ZZZ3: variants seen among roughly 807,000 people sequenced by gnomAD.
The protein encoded by ZZZ3 is zinc finger ZZ-type containing 3.
A neutral mutation model predicts 95.2 loss-of-function variants in ZZZ3; 22 were observed. That is an observed-to-expected ratio of 0.23 (90% CI 0.17 to 0.33). The LOEUF (loss-of-function observed/expected upper bound fraction) is 0.33. Among genes scored for constraint, ZZZ3 ranks in the 10% least tolerant of loss-of-function variants. The pLI is 1.00. For synonymous variants in ZZZ3, 335 were observed against 358.9 expected (o/e 0.93, Z 0.75); for missense variants, 885 against 1,066.5 (o/e 0.83, Z 2.37).
At chr1:77,666,447 C>G (rs980760759) in intron 1 of ZZZ3, among the ~76,000 whole-genome samples, 1 of 152,062 alleles carries the variant, frequency 6.6e-6, no homozygotes, top group Non-Finnish European at 1.5e-5. Flanking sequence ...GTGGGAAGAT[C>G]GCTTAAACCC....
intron 1 of ZZZ3, among the ~76,000 whole-genome samples, chr1:77,671,027 T>C (rs1387011984): frequency 6.7e-6 from 1 of 149,290 alleles, no homozygotes; most frequent in Non-Finnish European, 1.5e-5. Context: ...GTGGGGGTTG[T>C]TTTTTTTAAA....
intron 13 of ZZZ3, among the ~76,000 whole-genome samples, chr1:77,567,341 C>T (rs1400256722): frequency 1.3e-5 from 2 of 152,174 alleles, no homozygotes; most frequent in Non-Finnish European, 2.9e-5. Context: ...TCTAGTCTTG[C>T]CTTCCTCTAA....
At chr1:77,581,935 G>A in intron 7 of ZZZ3, 44 bp from the exon 8 acceptor site, 1 of 1,602,382 alleles carries the variant, frequency 6.2e-7, no homozygotes, top group Non-Finnish European at 8.5e-7. Flanking sequence ...GCAAAACATT[G>A]CCAGATATTT....
At chr1:77,654,888 A>T (rs554692883) in intron 1 of ZZZ3, among the ~76,000 whole-genome samples, 4 of 152,260 alleles carry the variant, frequency 2.6e-5, no homozygotes, top group African/African-American at 9.6e-5. Context: ...TACTCAAGCA[A>T]TCCTCCCACC....
chr1:77,617,693 C>A (rs537492048), intron 5 of ZZZ3, among the ~76,000 whole-genome samples: 2 of 151,380 alleles, frequency 1.3e-5, no homozygotes, highest in Non-Finnish European at 2.9e-5. Flanking sequence ...AATCCCAGCA[C>A]TTTGGGAGGC....
intron 1 of ZZZ3, among the ~76,000 whole-genome samples, chr1:77,673,140 A>G (rs897568254): frequency 6.6e-6 from 1 of 152,234 alleles, no homozygotes; most frequent in Non-Finnish European, 1.5e-5. Flanking sequence ...ATTCACTTAA[A>G]AAGGAAATTA....
rs1331841362 is a variant in ZZZ3, at chr1:77,638,662, AT to A, written c.-52+786del. 2.0e-4 allele frequency among the ~76,000 whole-genome samples: 30 copies of A among 152,302 alleles called. 1 individual carries two copies. The highest frequency in any genetic ancestry group is 1.5e-5 in the Non-Finnish European group (1 of 68,018). ...TTTAGCTGATATTTATTATCATAAT[AT>A]TTAGTTTTATTAAGTGAAAAATTTT... is the stretch of plus-strand genomic sequence containing the variant. On this transcript the variant is annotated intron_variant, in intron 4 of 14. Transcript: ENST00000370801.
chr1:77,602,153 T>C (rs1381876771), intron 5 of ZZZ3, among the ~76,000 whole-genome samples: 2 of 152,168 alleles, frequency 1.3e-5, no homozygotes, highest in East Asian at 3.8e-4. Context: ...TGCAGAAATA[T>C]GTGATTTTTC....
intron 5 of ZZZ3, among the ~76,000 whole-genome samples, chr1:77,602,602 A>ATTTTTTTTT (rs33915566): frequency 8.5e-6 from 1 of 117,964 alleles, no homozygotes; most frequent in Non-Finnish European, 1.7e-5. Flanking sequence ...ATTTTTACTG[A>ATTTTTTTTT]TTTTTTTTTT....
At position 77,672,690 on chromosome 1, in the gene ZZZ3, C is replaced by G. The variant is rs188299083; in HGVS notation, c.-403+9895G>C. Among the ~76,000 whole-genome samples, 378 of 152,304 alleles carry G rather than the reference C, an allele frequency of 2.5e-3. 2 individuals carry two copies. Among genetic ancestry groups the G allele is most frequent in the Non-Finnish European group, 3.3e-3 (224 of 68,036 alleles). ...ATAGCTACAAATAAATCAAAATATC[C>G]TTGGTGAAATTCTCTTAACTACAGA... On this transcript the variant is annotated intron_variant, in intron 1 of 14. Coordinates refer to ENST00000370801, the MANE Select transcript of ZZZ3 (RefSeq NM_015534.6).
intron 11 of ZZZ3, among the ~76,000 whole-genome samples, chr1:77,577,575 T>C (rs1379848051): frequency 6.6e-6 from 1 of 152,164 alleles, no homozygotes; most frequent in East Asian, 1.9e-4. Context: ...ATTCTTAATG[T>C]AAAATTACAT....
intron 1 of ZZZ3, among the ~76,000 whole-genome samples, chr1:77,652,695 A>G (rs1232326126): frequency 6.6e-6 from 1 of 152,260 alleles, no homozygotes; most frequent in Non-Finnish European, 1.5e-5. Flanking sequence ...GAAGCAACTT[A>G]AAGGTCCATC....
intron 1 of ZZZ3, among the ~76,000 whole-genome samples, chr1:77,650,092 T>A (rs1253794585): frequency 6.6e-6 from 1 of 152,014 alleles, no homozygotes; most frequent in African/African-American, 2.4e-5. Flanking sequence ...ATAGTATAAA[T>A]CTTAAAACCA....
At chr1:77,662,989 C>A (rs1482369928) in intron 1 of ZZZ3, among the ~76,000 whole-genome samples, 1 of 151,982 alleles carries the variant, frequency 6.6e-6, no homozygotes, top group Non-Finnish European at 1.5e-5. Flanking sequence ...CCTGTAGTCC[C>A]ACCTATTCGG....
At chr1:77,633,779 T>A (rs1668043767) in intron 4 of ZZZ3, among the ~76,000 whole-genome samples, 1 of 152,214 alleles carries the variant, frequency 6.6e-6, no homozygotes, top group African/African-American at 2.4e-5. Flanking sequence ...AAGGCAGGGC[T>A]CTAGAGACCA....
rs534170593 is a variant in ZZZ3 at position 77,664,998 on chromosome 1, C to T, written c.-403+17587G>A. 2.6e-5 allele frequency among the ~76,000 whole-genome samples: 4 copies of T among 152,220 alleles called. No homozygotes were observed. The East Asian group carries it at 7.7e-4, about 29-fold the overall frequency. ...CATACTTTTTGTTACAACAAATTAA[C>T]AAAAGCTATCAATACCTCTCAGTTC... is the stretch of plus-strand genomic sequence containing the variant. On this transcript the variant is annotated intron_variant, in intron 1 of 14. Coordinates refer to ENST00000370801, the MANE Select transcript of ZZZ3 (RefSeq NM_015534.6).
chr1:77,619,315 T>C (rs149802503), intron 5 of ZZZ3, among the ~76,000 whole-genome samples: 84 of 152,292 alleles, frequency 5.5e-4, no homozygotes, highest in African/African-American at 1.8e-3. Context: ...TATCATTTCA[T>C]AGTAACTGCA....
chr1:77,671,506 C>G (rs745545538), intron 1 of ZZZ3, among the ~76,000 whole-genome samples: 3 of 152,184 alleles, frequency 2.0e-5, no homozygotes, highest in Admixed American at 6.5e-5. Context: ...AACTCCAAAA[C>G]TCCACAGTTT....
chr1:77,624,293 A>G (rs1455131791), intron 5 of ZZZ3, among the ~76,000 whole-genome samples: 5 of 152,120 alleles, frequency 3.3e-5, no homozygotes, highest in African/African-American at 1.2e-4. Context: ...AATTTCCTGG[A>G]TGATAGGAGA....
Sources: gnomAD v4.1 joint callset for allele counts (sites outside exome capture counted in the v4.1 genomes callset) on GRCh38, gnomAD v4.1.1 for gene constraint, MANE v1.5 for transcripts, NCBI Gene and HGNC (gene_info 2026-07-23, HGNC 2026-07-21) for gene names.